The following CEP78 variants were observed in gnomAD, a reference collection of about 807,000 sequenced individuals.
CEP78 encodes centrosomal protein of 78 kDa.
A neutral mutation model predicts 81.2 loss-of-function variants in CEP78; 76 were observed. That is an observed-to-expected ratio of 0.94 (90% CI 0.78 to 1.13). The LOEUF is 1.13. Among genes scored for constraint, CEP78 ranks in the 50% most tolerant of loss-of-function variants. The pLI is 0.00. For missense variants in CEP78, 918 were observed against 846.8 expected, an observed-to-expected ratio of 1.08 and a Z score of -1.04; for synonymous variants, 293 against 301.4, an observed-to-expected ratio of 0.97 and a Z score of 0.29.
chr9:78,259,199 A>G (rs1473618012), intron 11 of CEP78, among the ~76,000 whole-genome samples: 1 of 152,266 alleles, frequency 6.6e-6, no homozygotes, highest in East Asian at 1.9e-4. Flanking sequence ...CAATGTTGAA[A>G]GAAAGAAGAT....
rs1166068329 is a variant in CEP78, at chr9:78,248,908, A to G, written c.1069+35A>G. 3 of 990,090 alleles carry G rather than the reference A, an allele frequency of 3.0e-6. No individual in the cohort carries two copies. In the African/African-American group the frequency reaches 5.0e-5, roughly 16 times the overall value. The allele number at this position is 990,090 out of a possible 1,614,324, so 61.3% of individuals were successfully genotyped here. A position where few individuals can be genotyped will look rare whatever the true frequency, so the allele number is the denominator to read the frequency against. On this transcript the variant is annotated intron_variant, in intron 8 of 16. Coordinates refer to ENST00000643273, the MANE Select transcript of CEP78 (RefSeq NM_001330691.3). ...TCTGTCTTGGCTTTTTAATGCTACTAGTGTTCTAGTGTGTTAAAATTAAAA... is the reference window on the plus strand; with the variant it reads ...TCTGTCTTGGCTTTTTAATGCTACTGGTGTTCTAGTGTGTTAAAATTAAAA...
chr9:78,245,405 T>C (rs1826432586), intron 5 of CEP78, among the ~76,000 whole-genome samples: 1 of 152,112 alleles, frequency 6.6e-6, no homozygotes, highest in African/African-American at 2.4e-5. Flanking sequence ...AGTCTCTTTT[T>C]TTTCTTGTAA....
At chr9:78,242,753 C>T (rs948224643) in intron 4 of CEP78, among the ~76,000 whole-genome samples, 4 of 151,760 alleles carry the variant, frequency 2.6e-5, no homozygotes, top group Non-Finnish European at 2.9e-5. Flanking sequence ...TTCCTGTTAC[C>T]GAAATTTACT....
rs1188633102 is a variant in CEP78, at chr9:78,275,606, CAAAA to C, written c.*4771_*4774del. 2.2e-3 allele frequency: 148 copies of C among 68,156 alleles called. No individual in the cohort carries two copies. The highest frequency in any genetic ancestry group is 0.011 in the Middle Eastern group (1 of 88). The allele number at this position is 68,156 out of a possible 1,614,324, so 4.2% of individuals were successfully genotyped here. On this transcript the variant is annotated 3_prime_UTR_variant, in exon 17 of 17. Coordinates refer to ENST00000643273, the MANE Select transcript of CEP78 (RefSeq NM_001330691.3). Reference sequence around the variant, plus strand: ...GGAGACAAGAGGGAAACTCTGTCTCCAAAAAAAAAAAAAAAAAAATACAGTTAGA... The same window carrying C: ...GGAGACAAGAGGGAAACTCTGTCTCCAAAAAAAAAAAAAAATACAGTTAGA...
intron 8 of CEP78, 33 bp downstream of exon 8, chr9:78,248,906 C>A: frequency 1.0e-6 from 1 of 986,034 alleles, no homozygotes; most frequent in Non-Finnish European, 1.5e-6. Context: ...TTTAATGCTA[C>A]TAGTGTTCTA....
At chr9:78,266,185 T>C (rs1236594788) in intron 15 of CEP78, among the ~76,000 whole-genome samples, 2 of 152,116 alleles carry the variant, frequency 1.3e-5, no homozygotes, top group East Asian at 1.9e-4. Flanking sequence ...AATTTTCTTA[T>C]AGAATAAGGT....
chr9:78,266,417 A>AT, intron 15 of CEP78, 25 bp from the exon 16 acceptor site: 1 of 1,549,360 alleles, frequency 6.5e-7, no homozygotes, highest in Non-Finnish European at 8.8e-7. Context: ...TTGTCACTAA[A>AT]TTTTTGTTTT....
At chr9:78,250,187 C>T in intron 8 of CEP78, 1 of 397,896 alleles carries the variant, frequency 2.5e-6, no homozygotes, top group Non-Finnish European at 4.4e-6. Flanking sequence ...AGTTTACAAG[C>T]TCACTGAGCT....
At chr9:78,265,175 G>A (rs2118473582) in intron 13 of CEP78, among the ~76,000 whole-genome samples, 197 bp from the exon 14 acceptor site, 1 of 152,314 alleles carries the variant, frequency 6.6e-6, no homozygotes, top group Admixed American at 6.5e-5. Context: ...AGGATTGGAT[G>A]ATATGATATG....
chr9:78,246,993 C>T (rs1826522116), intron 6 of CEP78, among the ~76,000 whole-genome samples: 1 of 152,150 alleles, frequency 6.6e-6, no homozygotes, highest in African/African-American at 2.4e-5. Context: ...AGGAGTGAAC[C>T]TAGATAATAA....
At chr9:78,261,457 C>T (rs562252244) in intron 11 of CEP78, among the ~76,000 whole-genome samples, 2 of 152,156 alleles carry the variant, frequency 1.3e-5, no homozygotes, top group South Asian at 2.1e-4. Context: ...TATCATTAGT[C>T]GTTTTTAAGT....
chr9:78,242,697 T>C (rs1473573030), intron 4 of CEP78, among the ~76,000 whole-genome samples: 1 of 152,210 alleles, frequency 6.6e-6, no homozygotes, highest in Non-Finnish European at 1.5e-5. Flanking sequence ...TTTGAATCTT[T>C]TGTTTCAGAA....
In CEP78 at chr9:78,243,741, C is replaced by T; in HGVS notation, c.778+105C>T. 7 of 768,780 alleles carry T rather than the reference C, an allele frequency of 9.1e-6. No individual in the cohort carries two copies. The South Asian group carries it at 1.3e-4, about 14-fold the overall frequency. 47.6% of individuals were successfully genotyped at this position (768,780 alleles called of 1,614,324 possible). A position where few individuals can be genotyped will look rare whatever the true frequency, so the allele number is the denominator to read the frequency against. On this transcript the variant is annotated intron_variant, in intron 5 of 16. Transcript: ENST00000643273. ...TGTCCGAAGGTTTTTTAAAAAGCCT[C>T]TTTTTTCTAATAGGTTTTATTTTGT...
At chr9:78,251,797 G>T (rs749361018) in intron 8 of CEP78, 111 bp from the exon 9 acceptor site, 144 of 765,798 alleles carry the variant, frequency 1.9e-4, no homozygotes, top group Admixed American at 2.6e-4. Context: ...AATGGACTTG[G>T]TGTCATTGTC....
In CEP78 at chr9:78,277,369, T is replaced by A. The variant is rs1587621517; in HGVS notation, c.*6518T>A. 1 of 151,070 alleles carries A rather than the reference T, an allele frequency of 6.6e-6. No homozygotes were observed. The highest frequency in any genetic ancestry group is 1.5e-5 in the Non-Finnish European group (1 of 67,692). The allele number at this position is 151,070 out of a possible 1,614,324, so 9.4% of individuals were successfully genotyped here. ...AAATTAGATTTCATAAATAAAGGAG[T>A]GGGAAAATACATGTAATAGAACAGA... On this transcript the variant is annotated 3_prime_UTR_variant, in exon 17 of 17. Coordinates refer to ENST00000643273, the MANE Select transcript of CEP78 (RefSeq NM_001330691.3).
At chr9:78,248,917 G>C in intron 8 of CEP78, 44 bp downstream of exon 8, 3 of 949,022 alleles carry the variant, frequency 3.2e-6, no homozygotes, top group Non-Finnish European at 4.8e-6. Flanking sequence ...TAGTGTTCTA[G>C]TGTGTTAAAA....
chr9:78,272,325 C>T lies in CEP78; in HGVS notation c.*1474C>T, dbSNP rs924193734. Reference sequence around the variant, plus strand: ...ACAGACCTGAGCCACTGTGCCCAGCCCCATGAAAGATGTTTAGATCAAATA... The same window carrying T: ...ACAGACCTGAGCCACTGTGCCCAGCTCCATGAAAGATGTTTAGATCAAATA... On this transcript the variant is annotated 3_prime_UTR_variant, in exon 17 of 17. Coordinates refer to ENST00000643273, the MANE Select transcript of CEP78 (RefSeq NM_001330691.3). The T allele has an allele frequency of 1.1e-4, 16 of 152,104 alleles. No homozygotes were observed. The highest frequency in any genetic ancestry group is 3.4e-4 in the African/African-American group (14 of 41,388). The allele number at this position is 152,104 out of a possible 1,614,324, so 9.4% of individuals were successfully genotyped here. A position where few individuals can be genotyped will look rare whatever the true frequency, so the allele number is the denominator to read the frequency against.
At chr9:78,245,636 T>A (rs1001219706) in intron 5 of CEP78, among the ~76,000 whole-genome samples, 2 of 152,234 alleles carry the variant, frequency 1.3e-5, no homozygotes, top group African/African-American at 4.8e-5. Context: ...TAATCTTTTT[T>A]TATGCCTGTA....
At position 78,260,812 on chromosome 9, in the gene CEP78, G is replaced by A. The variant is rs186714022; in HGVS notation, c.1381-2095G>A. ...TATACAGTCTTCCCTCAGCATACTC[G>A]GGTTATTCCATGACCCCATCCTCCA... On this transcript the variant is annotated intron_variant, in intron 11 of 16. Coordinates refer to ENST00000643273, the MANE Select transcript of CEP78 (RefSeq NM_001330691.3). 2.6e-3 allele frequency among the ~76,000 whole-genome samples: 394 copies of A among 151,896 alleles called. 2 individuals are homozygous for A. Among genetic ancestry groups the A allele is most frequent in the African/African-American group, 8.9e-3 (367 of 41,402 alleles).
Sources: gnomAD v4.1 joint callset for allele counts (sites outside exome capture counted in the v4.1 genomes callset) on GRCh38, gnomAD v4.1.1 for gene constraint, MANE v1.5 for transcripts, NCBI Gene and HGNC (gene_info 2026-07-23, HGNC 2026-07-21) for gene names.